The following SPIRE1 variants were observed in gnomAD, a reference collection of about 807,000 sequenced individuals.
SPIRE1 encodes protein spire homolog 1.
SPIRE1 carries 40 observed loss-of-function variants against 94.1 expected under a neutral mutation model. That is an observed-to-expected ratio of 0.43 (90% CI 0.33 to 0.55). The LOEUF (loss-of-function observed/expected upper bound fraction) is 0.55, where lower values mean the gene tolerates loss of function less well. Among genes scored for constraint, SPIRE1 ranks in the 20% least tolerant of loss-of-function variants. SPIRE1 has a pLI of 0.06. For synonymous variants in SPIRE1, 376 were observed against 371.7 expected, an observed-to-expected ratio of 1.01 and a Z score of -0.13; for missense variants, 838 against 975.2, an observed-to-expected ratio of 0.86 and a Z score of 1.87.
At chr18:12,533,970 A>ACAC (rs1567914917) in intron 4 of SPIRE1, among the ~76,000 whole-genome samples, 17 of 117,510 alleles carry the variant, frequency 1.4e-4, no homozygotes, top group Middle Eastern at 4.3e-3. Context: ...CACACACACA[A>ACAC]CTTATTTATT....
At chr18:12,506,396 T>G (rs1467422615) in intron 6 of SPIRE1, 81 bp downstream of exon 6, 1 of 1,236,926 alleles carries the variant, frequency 8.1e-7, no homozygotes, top group Non-Finnish European at 1.2e-6. Context: ...TGACCTCAGA[T>G]GATCCACCTG....
chr18:12,580,029 CAA>C (rs2036213772), intron 2 of SPIRE1, among the ~76,000 whole-genome samples: 2 of 152,126 alleles, frequency 1.3e-5, no homozygotes, highest in South Asian at 4.1e-4. Context: ...ATGGCCTTGA[CAA>C]GAGATGCTTT....
intron 2 of SPIRE1, among the ~76,000 whole-genome samples, 172 bp downstream of exon 2, chr18:12,634,890 G>A (rs1202899714): frequency 6.6e-6 from 1 of 151,074 alleles, no homozygotes; most frequent in East Asian, 1.9e-4. Context: ...AGCCAAGATC[G>A]TGCCATTGTA....
chr18:12,502,605 A>C (rs1037743957), intron 6 of SPIRE1, among the ~76,000 whole-genome samples: 1 of 152,212 alleles, frequency 6.6e-6, no homozygotes, highest in African/African-American at 2.4e-5. Flanking sequence ...TAAAATTTAA[A>C]ATATACATTA....
At chr18:12,509,248 A>C (rs1001216200) in intron 5 of SPIRE1, among the ~76,000 whole-genome samples, 8 of 152,198 alleles carry the variant, frequency 5.3e-5, no homozygotes, top group African/African-American at 1.9e-4. Flanking sequence ...ATGAGGAGGA[A>C]GCTGGTGATC....
chr18:12,521,546 C>T (rs1217472006), intron 4 of SPIRE1, among the ~76,000 whole-genome samples: 1 of 152,010 alleles, frequency 6.6e-6, no homozygotes, highest in African/African-American at 2.4e-5. Context: ...GTCGGCTAGG[C>T]TGGTCTCGAA....
At chr18:12,629,562 A>G (rs1302487855) in intron 2 of SPIRE1, among the ~76,000 whole-genome samples, 2 of 152,152 alleles carry the variant, frequency 1.3e-5, no homozygotes, top group African/African-American at 2.4e-5. Context: ...TGTTTAAATT[A>G]CATGTCCTTT....
chr18:12,602,078 C>T (rs1223465191), intron 2 of SPIRE1, among the ~76,000 whole-genome samples: 2 of 152,232 alleles, frequency 1.3e-5, no homozygotes, highest in Non-Finnish European at 1.5e-5. Flanking sequence ...CATGTCTGCA[C>T]GTGTGCACAT....
chr18:12,651,650 G>A (rs1034667541), intron 1 of SPIRE1, among the ~76,000 whole-genome samples: 2 of 152,164 alleles, frequency 1.3e-5, no homozygotes, highest in African/African-American at 4.8e-5. Context: ...TCCAGCCTGA[G>A]CAACAGAGCG....
At chr18:12,590,752 C>T (rs914672336) in intron 2 of SPIRE1, among the ~76,000 whole-genome samples, 6 of 152,102 alleles carry the variant, frequency 3.9e-5, no homozygotes, top group Admixed American at 2.0e-4. Context: ...GGGGCAGGAG[C>T]GCTACAGGCC....
At chr18:12,554,276 C>T (rs949485896) in intron 2 of SPIRE1, among the ~76,000 whole-genome samples, 1 of 111,276 alleles carries the variant, frequency 9.0e-6, no homozygotes, top group Non-Finnish European at 1.7e-5. Context: ...CCAGCCTGGG[C>T]AACAGAGCAA....
At chr18:12,647,380 G>GT in intron 1 of SPIRE1, among the ~76,000 whole-genome samples, 1 of 152,292 alleles carries the variant, frequency 6.6e-6, no homozygotes, top group East Asian at 1.9e-4. Context: ...ATACTATCCA[G>GT]TAAGTCGATA....
At chr18:12,655,557 T>G (rs1317186948) in intron 1 of SPIRE1, among the ~76,000 whole-genome samples, 1 of 152,166 alleles carries the variant, frequency 6.6e-6, no homozygotes, top group Non-Finnish European at 1.5e-5. Flanking sequence ...GAAAGAGAAT[T>G]ATAAACCTAT....
chr18:12,549,654 T>C (rs1428107437), intron 2 of SPIRE1, among the ~76,000 whole-genome samples: 1 of 151,806 alleles, frequency 6.6e-6, no homozygotes, highest in Non-Finnish European at 1.5e-5. Context: ...TTTCACCATG[T>C]TGGCCAGGAC....
intron 12 of SPIRE1, among the ~76,000 whole-genome samples, chr18:12,462,189 G>A (rs2031892371): frequency 6.6e-6 from 1 of 152,158 alleles, no homozygotes; most frequent in African/African-American, 2.4e-5. Flanking sequence ...TTGGCATAGA[G>A]ATGAATGACC....
At chr18:12,579,949 C>T (rs1230563978) in intron 2 of SPIRE1, among the ~76,000 whole-genome samples, 1 of 152,190 alleles carries the variant, frequency 6.6e-6, no homozygotes, top group Non-Finnish European at 1.5e-5. Flanking sequence ...ACACAGTTAA[C>T]CTCATCTTAT....
chr18:12,525,051 C>T (rs1279334770), intron 4 of SPIRE1, among the ~76,000 whole-genome samples: 3 of 151,132 alleles, frequency 2.0e-5, no homozygotes, highest in Non-Finnish European at 4.4e-5. Context: ...CCGAGGCAGG[C>T]AGATCATGAG....
In SPIRE1 at chr18:12,657,955, C is replaced by T; in HGVS notation, c.-89G>A. 2.0e-6 allele frequency: 2 copies of T among 1,003,564 alleles called. No homozygotes were observed. Among genetic ancestry groups the T allele is most frequent in the Non-Finnish European group, 2.4e-6 (2 of 843,636 alleles). The allele number at this position is 1,003,564 out of a possible 1,614,324, so 62.2% of individuals were successfully genotyped here. On this transcript the variant is annotated 5_prime_UTR_variant, in exon 1 of 17. It adds an upstream start codon to the 5' untranslated region. Transcript: ENST00000409402. ...ATCGTCGTCGCGCGCCGCCGCCTCA[C>T]CATCCCCGGAACCGCCGCCGCCCAA...
chr18:12,614,987 G>C (rs545779127), intron 2 of SPIRE1, among the ~76,000 whole-genome samples: 1 of 151,518 alleles, frequency 6.6e-6, no homozygotes, highest in Non-Finnish European at 1.5e-5. Flanking sequence ...TCAGGAGTTC[G>C]AGACCAGGCT....
Sources: allele counts gnomAD v4.1 joint callset (sites outside exome capture counted in the v4.1 genomes callset), GRCh38; gene constraint gnomAD v4.1.1; transcripts MANE v1.5; gene names NCBI Gene and HGNC (gene_info 2026-07-23, HGNC 2026-07-21).